XPO4: variants seen among roughly 807,000 people sequenced by gnomAD.
XPO4 encodes the protein exportin-4.
In XPO4, 39 loss-of-function variants were observed where a neutral mutation model predicts 143.0. That is an observed-to-expected ratio of 0.27 (90% CI 0.21 to 0.36). XPO4 has a LOEUF of 0.36. Among genes scored for constraint, XPO4 ranks in the 10% least tolerant of loss-of-function variants. The probability of loss-of-function intolerance (pLI) is 1.00; values close to 1 mark genes in which losing one functional copy is unlikely to be tolerated. For synonymous variants in XPO4, 439 were observed against 474.0 expected, an observed-to-expected ratio of 0.93 and a Z score of 0.96; for missense variants, 907 against 1,348.0, an observed-to-expected ratio of 0.67 and a Z score of 5.12.
At chr13:20,859,785 TA>T (rs531329457) in intron 3 of XPO4, 58,779 of 631,638 alleles carry the variant, frequency 0.093, 43 homozygotes, top group Middle Eastern at 0.12. Context: ...CAAAAAAAAT[TA>T]AAAAAAAAAA....
chr13:20,892,036 GT>G (rs201710562), intron 1 of XPO4, among the ~76,000 whole-genome samples: 362 of 145,126 alleles, frequency 2.5e-3, no homozygotes, highest in African/African-American at 7.9e-3. Flanking sequence ...GTTTTGTTTT[GT>G]TTTTTTTTTT....
chr13:20,800,089 AAG>A, intron 15 of XPO4, 65 bp downstream of exon 15: 1 of 1,569,750 alleles, frequency 6.4e-7, no homozygotes, highest in Non-Finnish European at 8.7e-7. Flanking sequence ...GGACTACACT[AAG>A]AAGTGAAAAA....
intron 3 of XPO4, among the ~76,000 whole-genome samples, chr13:20,858,966 T>C (rs1174595887): frequency 6.6e-6 from 1 of 151,234 alleles, no homozygotes; most frequent in African/African-American, 2.4e-5. Flanking sequence ...TATTTCAATG[T>C]GGAACCCTAC....
At chr13:20,815,276 C>G (rs1197745530) in intron 9 of XPO4, among the ~76,000 whole-genome samples, 2 of 152,102 alleles carry the variant, frequency 1.3e-5, no homozygotes, top group South Asian at 4.1e-4. Context: ...ATAGAATGTA[C>G]AATGCCAAGA....
chr13:20,835,998 T>C (rs1195695120), intron 6 of XPO4, among the ~76,000 whole-genome samples: 9 of 152,214 alleles, frequency 5.9e-5, no homozygotes. Flanking sequence ...TTTAAGAATA[T>C]ATTATAGTAC....
At chr13:20,851,275 C>G (rs2060082667) in intron 4 of XPO4, 1 of 985,254 alleles carries the variant, frequency 1.0e-6, no homozygotes, top group South Asian at 4.7e-5. Flanking sequence ...ATTTAACCTG[C>G]CATATAGAGA....
intron 1 of XPO4, among the ~76,000 whole-genome samples, chr13:20,878,638 C>T (rs1345261683): frequency 6.6e-6 from 1 of 151,990 alleles, no homozygotes; most frequent in Non-Finnish European, 1.5e-5. Context: ...TTTACATTTG[C>T]GGGAAGAGTA....
intron 13 of XPO4, among the ~76,000 whole-genome samples, chr13:20,801,538 C>T (rs907895203): frequency 6.6e-6 from 1 of 152,174 alleles, no homozygotes; most frequent in Non-Finnish European, 1.5e-5. Context: ...AAAACTCTTG[C>T]TAGAAAGATT....
At chr13:20,834,646 A>T (rs1051126345) in intron 6 of XPO4, among the ~76,000 whole-genome samples, 6 of 75,026 alleles carry the variant, frequency 8.0e-5, no homozygotes, top group African/African-American at 3.8e-4. Flanking sequence ...TGAAAGAAAT[A>T]AAAAAAAAAA....
rs1371376438 is a variant in XPO4, at chr13:20,782,722, G to C, written c.*1000C>G. The C allele has an allele frequency of 6.6e-6, 1 of 152,514 alleles. No homozygotes were observed. Among genetic ancestry groups the C allele is most frequent in the African/African-American group, 2.4e-5 (1 of 41,404 alleles). 9.4% of individuals were successfully genotyped at this position (152,514 alleles called of 1,614,324 possible). ...ACCTACATAAATACACGATCGAAAG[G>C]GGCAACAGGTTCATAGCAGCTAACA... On this transcript the variant is annotated 3_prime_UTR_variant, in exon 23 of 23. Coordinates refer to ENST00000255305, the MANE Select transcript of XPO4 (RefSeq NM_022459.5).
chr13:20,899,178 C>T (rs1277838740), intron 1 of XPO4, among the ~76,000 whole-genome samples: 1 of 151,998 alleles, frequency 6.6e-6, no homozygotes, highest in East Asian at 1.9e-4. Context: ...TGGAACTAAC[C>T]TCTCATGGAC....
chr13:20,801,223 G>C (rs867763529), intron 13 of XPO4, among the ~76,000 whole-genome samples: 10 of 152,288 alleles, frequency 6.6e-5, no homozygotes, highest in Middle Eastern at 3.4e-3. Context: ...ATGTCCTTCT[G>C]CTGAAGTTGT....
chr13:20,880,697 C>G (rs1305195760), intron 1 of XPO4, among the ~76,000 whole-genome samples: 1 of 152,072 alleles, frequency 6.6e-6, no homozygotes, highest in Non-Finnish European at 1.5e-5. Flanking sequence ...TGGCTCACAC[C>G]TGAAATCCCA....
At chr13:20,889,976 C>T (rs2060497007) in intron 1 of XPO4, among the ~76,000 whole-genome samples, 1 of 152,126 alleles carries the variant, frequency 6.6e-6, no homozygotes, top group African/African-American at 2.4e-5. Flanking sequence ...TTGTGTGCCA[C>T]CAATGTTGTC....
chr13:20,886,002 A>T (rs1218521977), intron 1 of XPO4, among the ~76,000 whole-genome samples: 1 of 152,188 alleles, frequency 6.6e-6, no homozygotes, highest in Non-Finnish European at 1.5e-5. Flanking sequence ...ACTACCAACA[A>T]ATACACTAGA....
chr13:20,813,684 A>G (rs1226488032), intron 9 of XPO4, among the ~76,000 whole-genome samples: 1 of 152,168 alleles, frequency 6.6e-6, no homozygotes, highest in Non-Finnish European at 1.5e-5. Context: ...TCAGTCAGGC[A>G]TGGTGGCTCA....
chr13:20,813,705 C>T (rs2059612620), intron 9 of XPO4, among the ~76,000 whole-genome samples: 1 of 152,150 alleles, frequency 6.6e-6, no homozygotes, highest in Non-Finnish European at 1.5e-5. Context: ...TGCCTGTAAT[C>T]CCAGCACTTT....
intron 1 of XPO4, among the ~76,000 whole-genome samples, chr13:20,898,954 T>A (rs540046917): frequency 6.6e-6 from 1 of 152,096 alleles, no homozygotes; most frequent in South Asian, 2.1e-4. Flanking sequence ...GGCAAGAGTA[T>A]CACTTGAGCT....
chr13:20,862,964 G>T lies in XPO4; in HGVS notation c.176-106C>A, dbSNP rs1482664995. 3 of 1,529,238 alleles carry T rather than the reference G, an allele frequency of 2.0e-6. No individual in the cohort carries two copies. In the East Asian group the frequency reaches 6.9e-5, roughly 35 times the overall value. The allele number at this position is 1,529,238 out of a possible 1,614,324, so 94.7% of individuals were successfully genotyped here. ...AACTTTTCAGACAAGGAATAAGATG[G>T]TTACCTGTTCTTTTTTTTATCCAGT... On this transcript the variant is annotated intron_variant, in intron 2 of 22. Transcript: ENST00000255305.
Sources: gnomAD v4.1 joint callset for allele counts (sites outside exome capture counted in the v4.1 genomes callset) on GRCh38, gnomAD v4.1.1 for gene constraint, MANE v1.5 for transcripts, NCBI Gene and HGNC (gene_info 2026-07-23, HGNC 2026-07-21) for gene names.